The following KCNJ6 variants were observed in gnomAD, a reference collection of about 807,000 sequenced individuals.
The protein encoded by KCNJ6 is G protein-activated inward rectifier potassium channel 2.
KCNJ6 carries 9 observed loss-of-function variants against 34.2 expected under a neutral mutation model. The observed-to-expected ratio is 0.26, with a 90% CI of 0.16 to 0.46. KCNJ6 has a LOEUF of 0.46. Among genes scored for constraint, KCNJ6 ranks in the 20% least tolerant of loss-of-function variants. The pLI, the probability that KCNJ6 is intolerant of heterozygous loss-of-function variation, is 1.00. For synonymous variants in KCNJ6, 196 were observed against 207.1 expected (o/e 0.95, Z 0.46); for missense variants, 236 against 531.3 (o/e 0.44, Z 5.46).
intron 3 of KCNJ6, among the ~76,000 whole-genome samples, chr21:37,633,517 A>G (rs2054343036): frequency 6.6e-6 from 1 of 152,200 alleles, no homozygotes; most frequent in Non-Finnish European, 1.5e-5. Context: ...TCAAAAATAA[A>G]TGAAACTTTC....
intron 1 of KCNJ6, among the ~76,000 whole-genome samples, chr21:37,868,877 T>C (rs1183631857): frequency 6.6e-6 from 1 of 152,214 alleles, no homozygotes; most frequent in Non-Finnish European, 1.5e-5. Context: ...GTACACAAGA[T>C]TCTTGGAAGC....
At chr21:37,800,378 G>A (rs1052999735) in intron 2 of KCNJ6, among the ~76,000 whole-genome samples, 1 of 152,182 alleles carries the variant, frequency 6.6e-6, no homozygotes, top group East Asian at 1.9e-4. Context: ...AAAATGTCCA[G>A]TGTTACATTG....
chr21:37,844,101 C>T (rs2055494484), intron 1 of KCNJ6, among the ~76,000 whole-genome samples: 1 of 149,490 alleles, frequency 6.7e-6, no homozygotes, highest in South Asian at 2.1e-4. Context: ...GCTCTGTTGC[C>T]AGGCTGGAGT....
At chr21:37,914,644 T>C (rs954056851) in intron 1 of KCNJ6, among the ~76,000 whole-genome samples, 2 of 152,208 alleles carry the variant, frequency 1.3e-5, no homozygotes, top group African/African-American at 4.8e-5. Context: ...CTCGAGCTCT[T>C]TTTCTTTCTC....
At chr21:37,855,835 T>A (rs1034631818) in intron 1 of KCNJ6, among the ~76,000 whole-genome samples, 50 of 152,222 alleles carry the variant, frequency 3.3e-4, no homozygotes, top group African/African-American at 7.5e-4. Context: ...CCTAATTTTT[T>A]AAAATATCTA....
chr21:37,811,527 GGTGTCAGAGAATTGGTGGAT>G (rs2055322649), intron 2 of KCNJ6, among the ~76,000 whole-genome samples: 1 of 152,154 alleles, frequency 6.6e-6, no homozygotes, highest in Admixed American at 6.5e-5. Context: ...ATGCTGAGCT[GGTGTCAGAGAATTGGTGGAT>G]GTGGGAAAGA....
chr21:37,734,487 C>T (rs2054902850), intron 2 of KCNJ6, among the ~76,000 whole-genome samples: 1 of 152,174 alleles, frequency 6.6e-6, no homozygotes, highest in Non-Finnish European at 1.5e-5. Flanking sequence ...TCTGTCTTAA[C>T]AAAAAGCCTC....
At chr21:37,818,611 G>T (rs750053413) in intron 2 of KCNJ6, among the ~76,000 whole-genome samples, 1 of 152,088 alleles carries the variant, frequency 6.6e-6, no homozygotes, top group African/African-American at 2.4e-5. Flanking sequence ...TCTCCATAAC[G>T]ATAAGACTCG....
At chr21:37,776,458 C>G (rs1014150501) in intron 2 of KCNJ6, among the ~76,000 whole-genome samples, 6 of 147,828 alleles carry the variant, frequency 4.1e-5, no homozygotes, top group African/African-American at 1.5e-4. Flanking sequence ...AGTTTTTGCC[C>G]ATTAAGTATG....
intron 1 of KCNJ6, among the ~76,000 whole-genome samples, chr21:37,867,955 G>A (rs1417472903): frequency 1.3e-5 from 2 of 152,224 alleles, no homozygotes; most frequent in African/African-American, 4.8e-5. Flanking sequence ...GGTAGCTGGG[G>A]ACAGAAAGGT....
intron 3 of KCNJ6, among the ~76,000 whole-genome samples, chr21:37,702,555 C>A (rs375829220): frequency 4.3e-4 from 65 of 152,100 alleles, no homozygotes; most frequent in Admixed American, 2.0e-4. Flanking sequence ...TCTGCTTTGG[C>A]CATACTGGTT....
chr21:37,700,015 C>T (rs185963827), intron 3 of KCNJ6, among the ~76,000 whole-genome samples: 1 of 152,158 alleles, frequency 6.6e-6, no homozygotes, highest in Admixed American at 6.5e-5. Context: ...AAAGGCCACA[C>T]CTTATTTTTA....
At chr21:37,799,405 G>A (rs1363292341) in intron 2 of KCNJ6, among the ~76,000 whole-genome samples, 5 of 152,158 alleles carry the variant, frequency 3.3e-5, no homozygotes, top group African/African-American at 1.2e-4. Context: ...GAGAAGCTGG[G>A]GTCAGGGAGA....
intron 1 of KCNJ6, among the ~76,000 whole-genome samples, chr21:37,858,258 T>C (rs1251469577): frequency 6.6e-6 from 1 of 151,246 alleles, no homozygotes; most frequent in Non-Finnish European, 1.5e-5. Flanking sequence ...CCAGGCGTAG[T>C]GGCGGGCGCC....
chr21:37,863,846 G>GTTTT lies in KCNJ6; in HGVS notation c.-27-23141_-27-23138dup, dbSNP rs772060420. 2.5e-3 allele frequency among the ~76,000 whole-genome samples: 245 copies of GTTTT among 97,010 alleles called. 27 individuals carry two copies. The highest frequency in any genetic ancestry group is 4.6e-3 in the African/African-American group (105 of 23,072). 63.6% of individuals were successfully genotyped at this position (97,010 alleles called of 152,430 possible). A position where few individuals can be genotyped will look rare whatever the true frequency, so the allele number is the denominator to read the frequency against. ...CTTTAAGCAATTTTAAAATATAAAG[G>GTTTT]TTTTTTTTTTTTTGTTTTTTTTTTT... On this transcript the variant is annotated intron_variant, in intron 1 of 3. Transcript: ENST00000609713.
intron 3 of KCNJ6, among the ~76,000 whole-genome samples, chr21:37,666,331 C>G (rs1036072266): frequency 6.6e-6 from 1 of 152,134 alleles, no homozygotes; most frequent in Non-Finnish European, 1.5e-5. Flanking sequence ...AGCTGACTCT[C>G]ACGGTTTGGA....
At chr21:37,762,376 G>T (rs1323777776) in intron 2 of KCNJ6, among the ~76,000 whole-genome samples, 7 of 152,198 alleles carry the variant, frequency 4.6e-5, no homozygotes, top group African/African-American at 1.7e-4. Flanking sequence ...GGATGTGGAT[G>T]AACAGGTGAG....
chr21:37,877,645 A>G (rs915289270), intron 1 of KCNJ6, among the ~76,000 whole-genome samples: 4 of 151,024 alleles, frequency 2.6e-5, no homozygotes, highest in African/African-American at 9.7e-5. Flanking sequence ...GCTCTTCCTT[A>G]TGGAAGGCAG....
intron 1 of KCNJ6, among the ~76,000 whole-genome samples, chr21:37,867,457 G>C (rs924863214): frequency 2.6e-5 from 4 of 152,154 alleles, no homozygotes; most frequent in African/African-American, 9.7e-5. Context: ...GCAAAATACA[G>C]ATCCTTTATC....
Sources: allele counts gnomAD v4.1 joint callset (sites outside exome capture counted in the v4.1 genomes callset), GRCh38; gene constraint gnomAD v4.1.1; transcripts MANE v1.5; gene names NCBI Gene and HGNC (gene_info 2026-07-23, HGNC 2026-07-21).